WDFY3: variants seen among roughly 807,000 people sequenced by gnomAD.
WDFY3 encodes the protein WD repeat and FYVE domain containing 3.
In WDFY3, 66 loss-of-function variants were observed where a neutral mutation model predicts 409.6. That is an observed-to-expected ratio of 0.16 (90% CI 0.13 to 0.20). WDFY3 has a LOEUF of 0.20. Among genes scored for constraint, WDFY3 ranks in the 10% least tolerant of loss-of-function variants. The probability of loss-of-function intolerance (pLI) is 1.00; values close to 1 mark genes in which losing one functional copy is unlikely to be tolerated. For missense variants in WDFY3, 3,031 were observed against 4,298.1 expected (o/e 0.71, Z 8.24); for synonymous variants, 1,521 against 1,537.1 (o/e 0.99, Z 0.25).
chr4:84,838,633 T>C (rs183979295), intron 6 of WDFY3, among the ~76,000 whole-genome samples: 57 of 152,330 alleles, frequency 3.7e-4, no homozygotes, highest in African/African-American at 1.3e-3. Flanking sequence ...AGACTATCCC[T>C]GGCAAGATGT....
intron 64 of WDFY3, among the ~76,000 whole-genome samples, chr4:84,682,036 C>T (rs1011728842): frequency 1.3e-5 from 2 of 152,216 alleles, no homozygotes; most frequent in Non-Finnish European, 2.9e-5. Context: ...TGGGGTGCAG[C>T]AGGGCTTGTC....
At position 84,797,978 on chromosome 4, in the gene WDFY3, G is replaced by C. The variant is rs533192288; in HGVS notation, c.2935+18C>G. On this transcript the variant is annotated intron_variant, in intron 18 of 67. Coordinates refer to ENST00000295888, the MANE Select transcript of WDFY3 (RefSeq NM_014991.6). Reference sequence around the variant, plus strand: ...TTCATTCATAAAATAAATCAAAAAAGGGAATTTCAAAACTTACTTCTCATT... The same window carrying C: ...TTCATTCATAAAATAAATCAAAAAACGGAATTTCAAAACTTACTTCTCATT... 6.4e-7 allele frequency: 1 copy of C among 1,564,212 alleles called. No homozygotes were observed. Among genetic ancestry groups the C allele is most frequent in the East Asian group, 2.3e-5 (1 of 44,418 alleles).
At chr4:84,816,665 G>C (rs1021143876) in intron 13 of WDFY3, among the ~76,000 whole-genome samples, 9 of 151,976 alleles carry the variant, frequency 5.9e-5, no homozygotes, top group Non-Finnish European at 8.8e-5. Context: ...ACTTCTAAAT[G>C]AAAGTGAAAC....
Position 84,677,410 on chromosome 4 carries a change from G to C in WDFY3, c.10260-14C>G. ...CTACTGTGATCCCTGCAGGAGACAC[G>C]ACAGAGGAGGTCACTGCACGGAAGG... On this transcript the variant is annotated splice_polypyrimidine_tract_variant and intron_variant, in intron 66 of 67. Transcript: ENST00000295888. 6.3e-7 allele frequency: 1 copy of C among 1,582,900 alleles called. No individual in the cohort carries two copies.
chr4:84,789,584 C>T, intron 22 of WDFY3, 142 bp downstream of exon 22: 1 of 867,850 alleles, frequency 1.2e-6, no homozygotes, highest in Non-Finnish European at 1.7e-6. Context: ...CAAATGGGTA[C>T]TGAATATCAA....
At chr4:84,852,213 A>G (rs1264959577) in intron 4 of WDFY3, among the ~76,000 whole-genome samples, 1 of 152,208 alleles carries the variant, frequency 6.6e-6, no homozygotes, top group Non-Finnish European at 1.5e-5. Context: ...CTAAGTGACT[A>G]TTGGGCAGGT....
intron 36 of WDFY3, among the ~76,000 whole-genome samples, chr4:84,746,927 G>C (rs140757800): frequency 6.6e-6 from 1 of 152,112 alleles, no homozygotes; most frequent in East Asian, 1.9e-4. Context: ...CAAAGCCCAT[G>C]GCTTCACCAG....
intron 58 of WDFY3, 105 bp downstream of exon 58, chr4:84,695,865 T>A (rs1578161745): frequency 9.0e-7 from 1 of 1,108,670 alleles, no homozygotes; most frequent in East Asian, 2.5e-5. Flanking sequence ...TTATGGCTCT[T>A]TATTAAGTTA....
chr4:84,877,811 T>C (rs1762984282), intron 3 of WDFY3, among the ~76,000 whole-genome samples: 1 of 152,090 alleles, frequency 6.6e-6, no homozygotes, highest in South Asian at 2.1e-4. Flanking sequence ...ACCTGACAAA[T>C]AAGAAATGGA....
chr4:84,767,623 T>TAA (rs553099141), intron 30 of WDFY3, among the ~76,000 whole-genome samples: 26 of 131,918 alleles, frequency 2.0e-4, no homozygotes, highest in African/African-American at 5.7e-4. Flanking sequence ...CACGCAATGA[T>TAA]AAAAAAAAAA....
Position 84,679,122 on chromosome 4 carries a change from G to A in WDFY3, c.9944C>T (p.Ser3315Phe), listed in dbSNP as rs757540487. ...SSTSHRPRAA[S>F]CRATAAWCTD... ...ACACCAGGCGGCTGTTGCGCGGCAG[G>A]AGGCTGCCCGGGGCCTGTGGCTGGT... The change falls in exon 65 of 68, where the codon TCC (serine) becomes TTC (phenylalanine). Residue 3315 changes from serine to phenylalanine, a missense_variant. By Grantham distance (155) the Ser-to-Phe change is radical. Coordinates refer to ENST00000295888, the MANE Select transcript of WDFY3 (RefSeq NM_014991.6). 11 of 1,614,212 alleles carry A rather than the reference G, an allele frequency of 6.8e-6. No homozygotes were observed. In the South Asian group the frequency reaches 9.9e-5, roughly 15 times the overall value.
chr4:84,775,942 A>G (rs1158349074), intron 27 of WDFY3, among the ~76,000 whole-genome samples: 2 of 152,044 alleles, frequency 1.3e-5, no homozygotes, highest in Admixed American at 1.3e-4. Flanking sequence ...ATATTTCTGT[A>G]ATACAGAAAT....
chr4:84,850,175 G>A (rs1199600209), intron 4 of WDFY3, 150 bp from the exon 5 acceptor site: 9 of 747,188 alleles, frequency 1.2e-5, no homozygotes, highest in African/African-American at 1.8e-5. Context: ...AAAATACAAC[G>A]CTTTCAATAA....
intron 2 of WDFY3, among the ~76,000 whole-genome samples, chr4:84,928,325 C>T (rs146280880): frequency 7.6e-4 from 116 of 152,268 alleles, no homozygotes; most frequent in African/African-American, 2.6e-3. Context: ...GTTCTGAGGC[C>T]TTTGGACTTG....
chr4:84,829,732 G>A (rs1231006279), intron 8 of WDFY3, among the ~76,000 whole-genome samples: 5 of 151,400 alleles, frequency 3.3e-5, no homozygotes, highest in Non-Finnish European at 5.9e-5. Flanking sequence ...ACTTGAACCC[G>A]GGAGGCAGAG....
intron 48 of WDFY3, among the ~76,000 whole-genome samples, chr4:84,718,174 T>A (rs915614588): frequency 6.6e-6 from 1 of 151,306 alleles, no homozygotes; most frequent in South Asian, 2.1e-4. Context: ...TACATTATAA[T>A]ATAAATAACT....
intron 13 of WDFY3, among the ~76,000 whole-genome samples, chr4:84,812,187 T>TA (rs1752610238): frequency 6.6e-6 from 1 of 152,194 alleles, no homozygotes; most frequent in Non-Finnish European, 1.5e-5. Context: ...AAATAAAATA[T>TA]AAAAACAATG....
chr4:84,681,276 C>T (rs1409772101), intron 64 of WDFY3, among the ~76,000 whole-genome samples: 1 of 152,194 alleles, frequency 6.6e-6, no homozygotes, highest in Admixed American at 6.5e-5. Context: ...TTCATCTCCT[C>T]TTCCACTGTT....
intron 10 of WDFY3, among the ~76,000 whole-genome samples, chr4:84,823,344 G>GA (rs1003519463): frequency 2.0e-5 from 3 of 151,882 alleles, no homozygotes; most frequent in Middle Eastern, 3.2e-3. Context: ...ACTGGATAAA[G>GA]AAAAAATCAG....
Sources: allele counts gnomAD v4.1 joint callset (sites outside exome capture counted in the v4.1 genomes callset), GRCh38; gene constraint gnomAD v4.1.1; transcripts MANE v1.5; gene names NCBI Gene and HGNC (gene_info 2026-07-23, HGNC 2026-07-21).